Variants in RCOR1 observed in about 807,000 individuals in gnomAD.
The protein encoded by RCOR1 is REST corepressor.
Under a neutral mutation model 64.0 loss-of-function variants are expected in RCOR1, and 12 were observed. The observed-to-expected ratio is 0.19, with a 90% CI of 0.12 to 0.30. The LOEUF is 0.30. Among genes scored for constraint, RCOR1 ranks in the 10% least tolerant of loss-of-function variants. RCOR1 has a pLI of 1.00. For missense variants in RCOR1, 502 were observed against 621.2 expected, an observed-to-expected ratio of 0.81 and a Z score of 2.04; for synonymous variants, 279 against 227.2, an observed-to-expected ratio of 1.23 and a Z score of -2.05.
At position 102,730,188 on chromosome 14, in the gene RCOR1, T is replaced by A. The variant is rs541968740; in HGVS notation, c.*3682T>A. ...GATAGTATTCCATTAGGTAGACTTATCGACTTTGCTAAGTGCTTTTTAGAC... is the reference window on the plus strand; with the variant it reads ...GATAGTATTCCATTAGGTAGACTTAACGACTTTGCTAAGTGCTTTTTAGAC... On this transcript the variant is annotated 3_prime_UTR_variant, in exon 12 of 12. Coordinates refer to ENST00000262241, the MANE Select transcript of RCOR1 (RefSeq NM_015156.4). The A allele has an allele frequency of 3.0e-5, 12 of 396,944 alleles. No homozygotes were observed. The highest frequency in any genetic ancestry group is 4.9e-5 in the Non-Finnish European group (11 of 225,352). The allele number at this position is 396,944 out of a possible 1,614,324, so 24.6% of individuals were successfully genotyped here.
chr14:102,650,238 G>A (rs544697871), intron 2 of RCOR1, among the ~76,000 whole-genome samples: 8 of 151,668 alleles, frequency 5.3e-5, no homozygotes, highest in African/African-American at 1.7e-4. Context: ...CATGGGCATG[G>A]TGGCTGGTGC....
intron 11 of RCOR1, among the ~76,000 whole-genome samples, chr14:102,723,738 A>G (rs1223077189): frequency 6.6e-6 from 1 of 152,068 alleles, no homozygotes; most frequent in African/African-American, 2.4e-5. Context: ...AAAGCTGGAG[A>G]CTGCTGGGGA....
chr14:102,665,611 G>A (rs1427557906), intron 2 of RCOR1, among the ~76,000 whole-genome samples: 2 of 151,984 alleles, frequency 1.3e-5, no homozygotes, highest in African/African-American at 4.8e-5. Context: ...TTTTCTTTAG[G>A]GTTAGTGAAG....
chr14:102,692,116 G>C (rs903036078), intron 3 of RCOR1, among the ~76,000 whole-genome samples: 1 of 152,152 alleles, frequency 6.6e-6, no homozygotes, highest in Non-Finnish European at 1.5e-5. Flanking sequence ...GAATTTTGCT[G>C]TTTTAGTTAG....
chr14:102,621,501 A>G (rs1411669530), intron 2 of RCOR1, among the ~76,000 whole-genome samples: 1 of 151,490 alleles, frequency 6.6e-6, no homozygotes, highest in African/African-American at 2.4e-5. Context: ...TTGGCCTCCA[A>G]AGTGTTTGGA....
intron 2 of RCOR1, among the ~76,000 whole-genome samples, chr14:102,622,487 C>G (rs780647007): frequency 9.2e-5 from 14 of 152,132 alleles, no homozygotes; most frequent in Admixed American, 4.6e-4. Context: ...AGGCCAGATT[C>G]CCTTGTCTTC....
At chr14:102,713,061 T>G (rs577508054) in intron 7 of RCOR1, among the ~76,000 whole-genome samples, 50 of 149,772 alleles carry the variant, frequency 3.3e-4, no homozygotes, top group African/African-American at 1.2e-3. Context: ...TTCAAGCAGT[T>G]CTCTGCTTCA....
At position 102,689,800 on chromosome 14, in the gene RCOR1, GTGGCGCAAT is replaced by G. The variant is rs1480803766; in HGVS notation, c.445+7823_445+7831del. Reference sequence around the variant, plus strand: ...GCACTGATGCCTGGGCTAGAGTGCAGTGGCGCAATCTCAGCTCACTGCAACCTCTGCCTC... The same window carrying G: ...GCACTGATGCCTGGGCTAGAGTGCAGCTCAGCTCACTGCAACCTCTGCCTC... On this transcript the variant is annotated intron_variant, in intron 3 of 11. Coordinates refer to ENST00000262241, the MANE Select transcript of RCOR1 (RefSeq NM_015156.4). Among the ~76,000 whole-genome samples, 5 of 152,310 alleles carry G rather than the reference GTGGCGCAAT, an allele frequency of 3.3e-5. No individual in the cohort carries two copies. The East Asian group carries it at 9.6e-4, about 29-fold the overall frequency.
intron 5 of RCOR1, 109 bp from the exon 6 acceptor site, chr14:102,708,356 A>G (rs146293678): frequency 0.017 from 11,507 of 669,218 alleles, 170 homozygotes; most frequent in African/African-American, 0.03. Context: ...TGCCTTAGCC[A>G]CCCAAAGTGC....
chr14:102,670,737 A>G (rs187116901), intron 2 of RCOR1, among the ~76,000 whole-genome samples: 48 of 106,718 alleles, frequency 4.5e-4, no homozygotes, highest in Non-Finnish European at 1.3e-4. Context: ...AAATGACAAG[A>G]TTATTATATA....
chr14:102,654,252 G>C (rs971783309), intron 2 of RCOR1, among the ~76,000 whole-genome samples: 1 of 151,970 alleles, frequency 6.6e-6, no homozygotes, highest in Admixed American at 6.6e-5. Context: ...CTCCCAAAGT[G>C]TCGGGATTAC....
rs1896180941 is a variant in RCOR1 at position 102,722,226 on chromosome 14, A to G, written c.1229A>G (p.Asp410Gly). 6.2e-7 allele frequency: 1 copy of G among 1,614,070 alleles called. No homozygotes were observed. Among genetic ancestry groups the G allele is most frequent in the East Asian group, 2.2e-5 (1 of 44,898 alleles). The change falls in exon 11 of 12, where the codon GAC becomes GGC. Residue 410 changes from aspartate (D) to glycine (G), a missense_variant. Asp to Gly is a moderately conservative substitution (Grantham distance 94, BLOSUM62 -1). This residue lies in a region of RCOR1 where 260 missense variants were observed against 416.4 expected (regional missense o/e 0.62). Transcript: ENST00000262241. ...KYGRDFQAIS[D>G]VIGNKSVVQV... is the part of the protein sequence containing the mutation. ...GGCCGAGATTTTCAGGCAATCTCAG[A>G]CGTGATTGGGAACAAATCAGTGGTA...
At chr14:102,668,098 A>T in intron 2 of RCOR1, among the ~76,000 whole-genome samples, 1 of 152,210 alleles carries the variant, frequency 6.6e-6, no homozygotes, top group East Asian at 1.9e-4. Flanking sequence ...AAAAAGTGGT[A>T]GAGAAAACGT....
At chr14:102,705,331 C>T (rs1457921948) in intron 4 of RCOR1, among the ~76,000 whole-genome samples, 1 of 152,174 alleles carries the variant, frequency 6.6e-6, no homozygotes, top group African/African-American at 2.4e-5. Context: ...AATTGCTTGG[C>T]CCTGCCATGT....
intron 2 of RCOR1, among the ~76,000 whole-genome samples, chr14:102,642,829 CCTGT>C (rs1340949755): frequency 6.6e-6 from 1 of 151,226 alleles, no homozygotes; most frequent in African/African-American, 2.4e-5. Flanking sequence ...AGAGTGAGAC[CCTGT>C]CTATTAAAAA....
rs566851120 is a variant in RCOR1 at position 102,700,139 on chromosome 14, C to T, written c.446-1139C>T. Among the ~76,000 whole-genome samples the T allele has an allele frequency of 4.6e-5, 7 of 152,264 alleles. No homozygotes were observed. The South Asian group carries it at 1.2e-3, about 27-fold the overall frequency. ...AAAAATGACGCCCAATTTCATATTTCTTTTTACTGCTAGACATGTTGTTTA... is the reference window on the plus strand; with the variant it reads ...AAAAATGACGCCCAATTTCATATTTTTTTTTACTGCTAGACATGTTGTTTA... On this transcript the variant is annotated intron_variant, in intron 3 of 11. Transcript: ENST00000262241.
At chr14:102,643,308 T>G in intron 2 of RCOR1, 1 of 977,740 alleles carries the variant, frequency 1.0e-6, no homozygotes, top group South Asian at 4.7e-5. Context: ...TGGAAGAGAT[T>G]AGAAAAGATG....
chr14:102,606,928 G>C (rs902639286), intron 2 of RCOR1, among the ~76,000 whole-genome samples: 4 of 129,082 alleles, frequency 3.1e-5, no homozygotes, highest in African/African-American at 1.1e-4. Flanking sequence ...TTTGGGTTTT[G>C]TGTTAGTTTT....
chr14:102,655,025 G>C (rs757535944), intron 2 of RCOR1, among the ~76,000 whole-genome samples: 11 of 150,378 alleles, frequency 7.3e-5, no homozygotes, highest in Non-Finnish European at 1.6e-4. Flanking sequence ...TGCCCAGGGT[G>C]GTCTCAAACT....
Sources: allele counts gnomAD v4.1 joint callset (sites outside exome capture counted in the v4.1 genomes callset), GRCh38; gene constraint gnomAD v4.1.1; regional missense constraint gnomAD v4.1.1; transcripts MANE v1.5; gene names NCBI Gene and HGNC (gene_info 2026-07-23, HGNC 2026-07-21).